Variants in RBFOX1 observed in about 807,000 individuals in gnomAD.
RBFOX1 encodes the protein RNA binding protein fox-1 homolog 1.
RBFOX1 carries 8 observed loss-of-function variants against 57.7 expected under a neutral mutation model. That is an observed-to-expected ratio of 0.14 (90% CI 0.08 to 0.25). The LOEUF (loss-of-function observed/expected upper bound fraction) is 0.25. Among genes scored for constraint, RBFOX1 ranks in the 10% least tolerant of loss-of-function variants. The probability of loss-of-function intolerance (pLI) is 1.00; values close to 1 mark genes in which losing one functional copy is unlikely to be tolerated. For missense variants in RBFOX1, 611 were observed against 548.5 expected, an observed-to-expected ratio of 1.11 and a Z score of -1.14; for synonymous variants, 326 against 222.4, an observed-to-expected ratio of 1.47 and a Z score of -4.15.
At chr16:5,613,879 C>G (rs571972033) in intron 3 of RBFOX1, among the ~76,000 whole-genome samples, 1 of 151,798 alleles carries the variant, frequency 6.6e-6, no homozygotes, top group East Asian at 1.9e-4. Context: ...TCTTTCTTCT[C>G]TGACTCCTTC....
At chr16:6,377,239 A>G (rs1291537850) in intron 2 of RBFOX1, among the ~76,000 whole-genome samples, 1 of 147,058 alleles carries the variant, frequency 6.8e-6, no homozygotes, top group African/African-American at 2.6e-5. Flanking sequence ...ATGCAACTGC[A>G]CTCCATCCTG....
At chr16:6,819,055 C>T (rs75598343) in intron 3 of RBFOX1, among the ~76,000 whole-genome samples, 5,633 of 152,258 alleles carry the variant, frequency 0.037, 123 homozygotes, top group African/African-American at 0.051. Flanking sequence ...ATTGTATAAG[C>T]GACTTGAATG....
At chr16:6,442,222 A>C (rs1049888755) in intron 2 of RBFOX1, among the ~76,000 whole-genome samples, 1 of 152,150 alleles carries the variant, frequency 6.6e-6, no homozygotes, top group African/African-American at 2.4e-5. Flanking sequence ...TGGTGCTTAA[A>C]GGGGGACACA....
intron 3 of RBFOX1, among the ~76,000 whole-genome samples, chr16:5,607,853 A>G (rs56382436): frequency 0.085 from 12,881 of 152,226 alleles, 929 homozygotes; most frequent in African/African-American, 0.19. Flanking sequence ...ATGCTACTGT[A>G]TGTACCACTA....
chr16:5,838,130 T>C (rs2056518683), intron 3 of RBFOX1: 1 of 154,254 alleles, frequency 6.5e-6, no homozygotes, highest in African/African-American at 2.4e-5. Context: ...CCATATTACA[T>C]ATTGAAAGAA....
intron 2 of RBFOX1, among the ~76,000 whole-genome samples, chr16:6,510,717 A>G (rs2096238373): frequency 6.6e-6 from 1 of 152,180 alleles, no homozygotes; most frequent in South Asian, 2.1e-4. Flanking sequence ...GAGGCTCCAA[A>G]TCTGGGCACA....
chr16:6,565,462 T>C (rs1352619364), intron 2 of RBFOX1, among the ~76,000 whole-genome samples: 1 of 151,476 alleles, frequency 6.6e-6, no homozygotes, highest in Non-Finnish European at 1.5e-5. Flanking sequence ...TTTCACCATG[T>C]TAGCCAGGAT....
chr16:7,119,098 C>G (rs866767756), intron 4 of RBFOX1, among the ~76,000 whole-genome samples: 1 of 152,062 alleles, frequency 6.6e-6, no homozygotes, highest in African/African-American at 2.4e-5. Context: ...AAGCAACATG[C>G]GGAATCTAGG....
At chr16:7,009,558 G>A (rs996642127) in intron 3 of RBFOX1, among the ~76,000 whole-genome samples, 3 of 152,060 alleles carry the variant, frequency 2.0e-5, no homozygotes, top group African/African-American at 7.2e-5. Flanking sequence ...ATCAATGATA[G>A]GAATGAAAGT....
intron 3 of RBFOX1, among the ~76,000 whole-genome samples, chr16:6,925,424 C>G (rs908817308): frequency 6.6e-6 from 1 of 151,346 alleles, no homozygotes; most frequent in Non-Finnish European, 1.5e-5. Flanking sequence ...TGCACCCAGC[C>G]TATCCTTTTT....
At chr16:5,451,824 C>T (rs1170504806) in intron 1 of RBFOX1, among the ~76,000 whole-genome samples, 5 of 152,130 alleles carry the variant, frequency 3.3e-5, no homozygotes, top group Non-Finnish European at 7.3e-5. Context: ...TCAAGTTTTA[C>T]TTTGCATACT....
chr16:6,042,839 G>C (rs2095452950), intron 1 of RBFOX1, among the ~76,000 whole-genome samples: 1 of 152,170 alleles, frequency 6.6e-6, no homozygotes, highest in Non-Finnish European at 1.5e-5. Context: ...GCGGCTTACA[G>C]ATCATAGTTG....
rs9922117 is a variant in RBFOX1 at position 7,586,157 on chromosome 16, T to A, written c.415-1090T>A. ...AAAGAGCATTTGCTCTCATTCTGCA[T>A]GGAGATAAAATTCCCATTTTATTTT... On this transcript the variant is annotated intron_variant, in intron 6 of 15. Transcript: ENST00000550418. 6.6e-3 allele frequency among the ~76,000 whole-genome samples: 1,007 copies of A among 152,352 alleles called. 13 individuals are homozygous for A. Among genetic ancestry groups the A allele is most frequent in the African/African-American group, 0.023 (953 of 41,588 alleles).
intron 2 of RBFOX1, among the ~76,000 whole-genome samples, chr16:6,646,998 A>G (rs2154079168): frequency 6.6e-6 from 1 of 152,248 alleles, no homozygotes; most frequent in Non-Finnish European, 1.5e-5. Context: ...ACCCTAACAA[A>G]CTGCCATAGA....
intron 3 of RBFOX1, among the ~76,000 whole-genome samples, chr16:5,811,432 T>G (rs2055427636): frequency 6.7e-6 from 1 of 148,930 alleles, no homozygotes; most frequent in South Asian, 2.2e-4. Context: ...TGTGAGCCAA[T>G]GCACCCAGCT....
intron 4 of RBFOX1, among the ~76,000 whole-genome samples, chr16:7,305,025 G>T (rs190357432): frequency 4.6e-5 from 7 of 151,510 alleles, no homozygotes; most frequent in Admixed American, 3.3e-4. Context: ...TTTCTGGAGT[G>T]TGTCAGCCCC....
chr16:7,090,036 C>T (rs1213251357), intron 4 of RBFOX1, among the ~76,000 whole-genome samples: 1 of 152,040 alleles, frequency 6.6e-6, no homozygotes, highest in Non-Finnish European at 1.5e-5. Context: ...TTTTCTTCTT[C>T]TTCTTTTTTA....
At chr16:6,783,352 G>A (rs567454861) in intron 3 of RBFOX1, among the ~76,000 whole-genome samples, 34 of 139,844 alleles carry the variant, frequency 2.4e-4, no homozygotes, top group African/African-American at 8.7e-4. Flanking sequence ...TTCTATATAA[G>A]CAATTTTCTG....
At chr16:6,248,602 C>A (rs547383869) in intron 1 of RBFOX1, among the ~76,000 whole-genome samples, 2 of 152,250 alleles carry the variant, frequency 1.3e-5, no homozygotes, top group East Asian at 3.9e-4. Context: ...ACCAAACAAA[C>A]TTCCTCCAGG....
Sources: gnomAD v4.1 joint callset for allele counts (sites outside exome capture counted in the v4.1 genomes callset) on GRCh38, gnomAD v4.1.1 for gene constraint, MANE v1.5 for transcripts, NCBI Gene and HGNC (gene_info 2026-07-23, HGNC 2026-07-21) for gene names.